The following ADD2 variants were observed in gnomAD, a reference collection of about 807,000 sequenced individuals.
The protein encoded by ADD2 is beta-adducin.
Under a neutral mutation model 83.0 loss-of-function variants are expected in ADD2, and 23 were observed. The ratio of observed to expected loss-of-function variants is 0.28; its 90% CI spans 0.20 to 0.39. ADD2 has a LOEUF of 0.39. Ranked by LOEUF, ADD2 falls within the 10% of genes least tolerant of loss-of-function variation. The pLI, the probability that ADD2 is intolerant of heterozygous loss-of-function variation, is 1.00. For missense variants in ADD2, 758 were observed against 944.9 expected (o/e 0.80, Z 2.59); for synonymous variants, 375 against 375.4 (o/e 1.00, Z 0.01).
At chr2:70,701,619 G>T (rs965502457) in intron 4 of ADD2, among the ~76,000 whole-genome samples, 2 of 152,010 alleles carry the variant, frequency 1.3e-5, no homozygotes, top group East Asian at 3.8e-4. Flanking sequence ...ATACCCAAAA[G>T]AATTAACTGA....
At position 70,706,376 on chromosome 2, in the gene ADD2, C is replaced by A. The variant is rs369382641; in HGVS notation, c.33G>T (p.Ser11=). 1.9e-6 allele frequency: 3 copies of A among 1,610,578 alleles called. No homozygotes were observed. Among genetic ancestry groups the A allele is most frequent in the African/African-American group, 2.7e-5 (2 of 74,884 alleles). Residue 11 remains serine (S), a synonymous_variant, in exon 3 of 16, where the codon TCG becomes TCT. Transcript: ENST00000264436. This position sits in a 1 kb window ranked among gnomAD's most constrained non-coding sequence, Gnocchi z 5.0. MSEETVPEAA[S]PPPPQGQPYF... ...AAGGCTGCCCCTGCGGGGGCGGCGG[C>A]GAGGCAGCCTCGGGGACCGTCTCTT... is the stretch of plus-strand genomic sequence containing the variant.
rs1450760883 is a variant in ADD2 at position 70,660,652 on chromosome 2, C to T, written c.*2773G>A. 6.6e-6 allele frequency: 1 copy of T among 152,276 alleles called. No homozygotes were observed. Among genetic ancestry groups the T allele is most frequent in the Non-Finnish European group, 1.5e-5 (1 of 68,096 alleles). 9.4% of individuals were successfully genotyped at this position (152,276 alleles called of 1,614,324 possible). On this transcript the variant is annotated 3_prime_UTR_variant, in exon 16 of 16. Coordinates refer to ENST00000264436, the MANE Select transcript of ADD2 (RefSeq NM_001617.4). The stretch of plus-strand genomic sequence containing the variant: ...CTACCTATGAAGGGACCCCTCAACC[C>T]CTGAGCTTCCACATCATGCTCTGGC...
chr2:70,744,267 T>C (rs1406388090), intron 1 of ADD2, among the ~76,000 whole-genome samples: 1 of 152,252 alleles, frequency 6.6e-6, no homozygotes, highest in Admixed American at 6.5e-5. Context: ...TTGTCTAGTT[T>C]ACAATTACCA....
At chr2:70,664,861 G>C (rs782420446) in intron 15 of ADD2, among the ~76,000 whole-genome samples, 7 of 152,094 alleles carry the variant, frequency 4.6e-5, no homozygotes, top group Non-Finnish European at 8.8e-5. Context: ...TGTGTGGTGT[G>C]AGCATGTGCG....
intron 4 of ADD2, among the ~76,000 whole-genome samples, chr2:70,701,417 A>T (rs1671574313): frequency 6.6e-6 from 1 of 152,208 alleles, no homozygotes; most frequent in Non-Finnish European, 1.5e-5. Context: ...TAATTGTCTC[A>T]AACTCTTGTG....
intron 4 of ADD2, 58 bp downstream of exon 4, chr2:70,704,263 T>TGGGCCCCCCCCCCCCCC: frequency 4.5e-5 from 41 of 913,216 alleles, no homozygotes; most frequent in Middle Eastern, 2.9e-4. Context: ...CTCCCTCTCT[T>TGGGCCCCCCCCCCCCCC]CCCCACCCCA....
chr2:70,752,533 G>C (rs1364845572), intron 1 of ADD2, among the ~76,000 whole-genome samples: 6 of 152,160 alleles, frequency 3.9e-5, no homozygotes, highest in Admixed American at 3.9e-4. Context: ...AGAAAGATTT[G>C]GGATATGTTT....
chr2:70,737,226 T>C (rs1431318529), intron 1 of ADD2, among the ~76,000 whole-genome samples: 1 of 152,152 alleles, frequency 6.6e-6, no homozygotes, highest in Non-Finnish European at 1.5e-5. Flanking sequence ...CATTACTGGG[T>C]ATATACCCAA....
Position 70,706,125 on chromosome 2 carries a change from C to A in ADD2, c.183+101G>T. 2 of 1,304,494 alleles carry A rather than the reference C, an allele frequency of 1.5e-6. No homozygotes were observed. The highest frequency in any genetic ancestry group is 1.4e-5 in the South Asian group (1 of 70,362). The allele number at this position is 1,304,494 out of a possible 1,614,324, so 80.8% of individuals were successfully genotyped here. On this transcript the variant is annotated intron_variant, in intron 3 of 15. Coordinates refer to ENST00000264436, the MANE Select transcript of ADD2 (RefSeq NM_001617.4). This position sits in a 1 kb window ranked among gnomAD's most constrained non-coding sequence, Gnocchi z 5.0. ...CAGTGGGCTTACATTTCTACTGACCCTGAGCAAGGGAAAGAGGAGTTACTC... is the reference window on the plus strand; with the variant it reads ...CAGTGGGCTTACATTTCTACTGACCATGAGCAAGGGAAAGAGGAGTTACTC...
chr2:70,695,698 C>T, intron 6 of ADD2, 23 bp downstream of exon 6: 1 of 1,604,108 alleles, frequency 6.2e-7, no homozygotes, highest in Non-Finnish European at 8.5e-7. Context: ...AAGGAGTGGG[C>T]AGTGATGCTG....
intron 1 of ADD2, among the ~76,000 whole-genome samples, chr2:70,758,233 T>A (rs1166109320): frequency 2.0e-5 from 3 of 152,242 alleles, no homozygotes; most frequent in Admixed American, 6.5e-5. Context: ...TGGGATACAA[T>A]AATGCACAAT....
At chr2:70,675,700 G>C (rs939681273) in intron 13 of ADD2, 19 of 985,448 alleles carry the variant, frequency 1.9e-5, no homozygotes, top group Non-Finnish European at 2.3e-5. Flanking sequence ...GCCCTGGCCC[G>C]CCAGGTCTTC....
intron 15 of ADD2, among the ~76,000 whole-genome samples, chr2:70,671,143 G>A (rs1669874910): frequency 6.6e-6 from 1 of 152,160 alleles, no homozygotes; most frequent in Non-Finnish European, 1.5e-5. Context: ...TTATAAGGCA[G>A]TTCAGGCTCT....
At chr2:70,693,033 C>T (rs1482615297) in intron 6 of ADD2, among the ~76,000 whole-genome samples, 1 of 152,146 alleles carries the variant, frequency 6.6e-6, no homozygotes, top group Admixed American at 6.5e-5. Context: ...AATGTCTACA[C>T]TGAGCCCTTT....
intron 1 of ADD2, among the ~76,000 whole-genome samples, chr2:70,719,637 T>C (rs1026826301): frequency 2.0e-5 from 3 of 152,044 alleles, no homozygotes; most frequent in Non-Finnish European, 4.4e-5. Flanking sequence ...AGTAAAAAGG[T>C]CAAACTTGGA....
intron 4 of ADD2, among the ~76,000 whole-genome samples, chr2:70,700,221 A>G (rs560111411): frequency 6.6e-6 from 1 of 152,312 alleles, no homozygotes; most frequent in African/African-American, 2.4e-5. Flanking sequence ...ATACCTGAAT[A>G]TATCTCCAAC....
chr2:70,696,496 G>T (rs1021262282), intron 4 of ADD2, 100 bp from the exon 5 acceptor site: 1 of 1,485,014 alleles, frequency 6.7e-7, no homozygotes, highest in African/African-American at 1.4e-5. Flanking sequence ...AAACTGCACA[G>T]GAGACTTCCC....
chr2:70,763,909 T>C (rs1448652706), intron 1 of ADD2, among the ~76,000 whole-genome samples: 1 of 151,402 alleles, frequency 6.6e-6, no homozygotes, highest in Non-Finnish European at 1.5e-5. Context: ...TTTTTTTGAG[T>C]TGGAGTCTCG....
chr2:70,673,337 C>T (rs1669987690), intron 14 of ADD2: 1 of 1,613,686 alleles, frequency 6.2e-7, no homozygotes. Flanking sequence ...CTGAAGAGAA[C>T]CAGCCAGGAG....
Sources: gnomAD v4.1 joint callset for allele counts (sites outside exome capture counted in the v4.1 genomes callset) on GRCh38, gnomAD v4.1.1 for gene constraint, Gnocchi (gnomAD v3.1) non-coding constraint, MANE v1.5 for transcripts, NCBI Gene and HGNC (gene_info 2026-07-23, HGNC 2026-07-21) for gene names.